The following NBPF9 variants were observed in gnomAD, a reference collection of about 807,000 sequenced individuals.
The protein encoded by NBPF9 is NBPF member 9, also known as NBPF family member NBPF9.
Under a neutral mutation model 97.8 loss-of-function variants are expected in NBPF9, and 91 were observed. The ratio of observed to expected loss-of-function variants is 0.93; its 90% CI spans 0.79 to 1.11. NBPF9 has a LOEUF of 1.11. Ranked by LOEUF, NBPF9 falls within the 50% of genes least tolerant of loss-of-function variation. The probability of loss-of-function intolerance (pLI) is 0.00; values close to 1 mark genes in which losing one functional copy is unlikely to be tolerated. For missense variants in NBPF9, 992 were observed against 939.5 expected (o/e 1.06, Z -0.73); for synonymous variants, 334 against 359.5 (o/e 0.93, Z 0.80).
chr1:149,067,245 C>A, intron 17 of NBPF9, among the ~76,000 whole-genome samples: 1 of 127,896 alleles, frequency 7.8e-6, no homozygotes. Flanking sequence ...GAGCAATATT[C>A]AACATTCTTT....
In NBPF9 at chr1:149,055,798, G is replaced by T. The variant is rs1553648682; in HGVS notation, c.3194C>A (p.Ser1065Ter). Residue 1065 changes from serine to a stop codon, truncating the protein, a stop_gained, in exon 30 of 30, where the codon TCA becomes TAA. Transcript: ENST00000584027. LOFTEE classifies it low-confidence loss of function (END_TRUNC). Reference sequence around the variant, plus strand: ...AAACACACTTCTGTAGTGCTGGAATGAGTCAGGTAGTTCAAAGTACATTGA... The same window carrying T: ...AAACACACTTCTGTAGTGCTGGAATTAGTCAGGTAGTTCAAAGTACATTGA... 3 of 1,611,078 alleles carry T rather than the reference G, an allele frequency of 1.9e-6. No homozygotes were observed. Among genetic ancestry groups the T allele is most frequent in the Middle Eastern group, 2.2e-4 (1 of 4,456 alleles).
chr1:149,064,781 T>A lies in NBPF9; in HGVS notation c.1802-299A>T, dbSNP rs1444629564. On this transcript the variant is annotated intron_variant, in intron 18 of 29. Transcript: ENST00000584027. ...CCCCAATAAATTGTAGGCAAATAGT[T>A]CTAACACCTCATAGGAGAGATACTT... The A allele has an allele frequency of 1.2e-3, 690 of 595,820 alleles. 1 individual carries two copies. The highest frequency in any genetic ancestry group is 1.9e-3 in the Non-Finnish European group (627 of 337,476). 36.9% of individuals were successfully genotyped at this position (595,820 alleles called of 1,614,324 possible). A position where few individuals can be genotyped will look rare whatever the true frequency, so the allele number is the denominator to read the frequency against.
chr1:149,076,836 A>C (rs1195893522), intron 11 of NBPF9, among the ~76,000 whole-genome samples: 6 of 151,610 alleles, frequency 4.0e-5, no homozygotes, highest in Non-Finnish European at 5.9e-5. Context: ...AGACAAGCCA[A>C]TGAAAAGGAG....
chr1:149,079,312 C>T lies in NBPF9; in HGVS notation c.279-91G>A, dbSNP rs1212352204. The T allele has an allele frequency of 4.5e-6, 6 of 1,319,754 alleles. No individual in the cohort carries two copies. The African/African-American group carries it at 6.0e-5, about 13-fold the overall frequency. 81.8% of individuals were successfully genotyped at this position (1,319,754 alleles called of 1,614,324 possible). On this transcript the variant is annotated intron_variant, in intron 8 of 29. Transcript: ENST00000584027. ...ACAGAGACTTCTGAGATAATGTCCT[C>T]AAGGAGACCTTGAAACAGAAGGTCA...
At position 149,077,801 on chromosome 1, in the gene NBPF9, C is replaced by T. The variant is rs1251363045; in HGVS notation, c.566+82G>A. ...CAAGGGGATGCGGGCTTTTGGCCCA[C>T]CATAGATGCCAGAGAGGGTGTGCCT... On this transcript the variant is annotated intron_variant, in intron 10 of 29. Transcript: ENST00000584027. 264 of 1,579,620 alleles carry T rather than the reference C, an allele frequency of 1.7e-4. 6 individuals carry two copies. The highest frequency in any genetic ancestry group is 2.0e-4 in the Non-Finnish European group (229 of 1,150,528).
intron 4 of NBPF9, among the ~76,000 whole-genome samples, chr1:149,097,330 G>C (rs1304820253): frequency 1.3e-5 from 2 of 152,162 alleles, no homozygotes; most frequent in Non-Finnish European, 2.9e-5. Context: ...ACTATATACT[G>C]TTTCCATGGG....
chr1:149,082,794 T>G (rs2080598884), intron 5 of NBPF9, among the ~76,000 whole-genome samples: 1 of 149,184 alleles, frequency 6.7e-6, no homozygotes. Flanking sequence ...TTTTTTTTTT[T>G]TTTGAGACAG....
intron 5 of NBPF9, among the ~76,000 whole-genome samples, chr1:149,088,974 TTAG>T (rs2081227554): frequency 2.0e-5 from 3 of 150,658 alleles, no homozygotes; most frequent in South Asian, 2.1e-4. Flanking sequence ...AGTTGACTTC[TTAG>T]TAGATTTCCC....
chr1:149,064,473 C>T lies in NBPF9; in HGVS notation c.1811G>A (p.Trp604Ter). ...TTGGTCCTCCTTTTTCACTTGATCC[C>T]ACCGATGTCCTGCAAATAAATTCAG... The change falls in exon 19 of 30, where the codon TGG (tryptophan) becomes TAG (stop). Residue 604 changes from tryptophan to a stop codon, truncating the protein, a stop_gained. Coordinates refer to ENST00000584027, the Ensembl canonical transcript of NBPF9. LOFTEE classifies it high-confidence loss of function. 3 of 1,474,150 alleles carry T rather than the reference C, an allele frequency of 2.0e-6. No homozygotes were observed. The highest frequency in any genetic ancestry group is 1.2e-5 in the South Asian group (1 of 86,506). 91.3% of individuals were successfully genotyped at this position (1,474,150 alleles called of 1,614,324 possible).
chr1:149,082,842 C>T (rs1292152783), intron 5 of NBPF9, among the ~76,000 whole-genome samples: 24 of 147,078 alleles, frequency 1.6e-4, no homozygotes, highest in African/African-American at 3.5e-4. Context: ...TGCAGTGACG[C>T]GATCTAGGCT....
chr1:149,083,326 TTA>T, intron 5 of NBPF9, among the ~76,000 whole-genome samples: 1 of 119,290 alleles, frequency 8.4e-6, no homozygotes, highest in African/African-American at 3.3e-5. Context: ...AGATACATAC[TTA>T]TTTTCCTGGG....
At chr1:149,088,520 G>A (rs1366540300) in intron 5 of NBPF9, among the ~76,000 whole-genome samples, 1 of 152,088 alleles carries the variant, frequency 6.6e-6, no homozygotes, top group Non-Finnish European at 1.5e-5. Context: ...TTAATATAAT[G>A]TTACCTGTGG....
intron 12 of NBPF9, 45 bp downstream of exon 12, chr1:149,075,610 G>A (rs2152900098): frequency 6.5e-7 from 1 of 1,533,766 alleles, no homozygotes; most frequent in Non-Finnish European, 9.0e-7. Context: ...AGAGAAGACA[G>A]GACGTCGTTC....
intron 18 of NBPF9, 70 bp from the exon 19 acceptor site, chr1:149,064,552 T>C: frequency 1.9e-6 from 2 of 1,070,704 alleles, no homozygotes; most frequent in South Asian, 2.5e-5. Flanking sequence ...CATTCCTCTG[T>C]CCAATCCTAA....
rs3979925 is a variant in NBPF9 at position 149,070,320 on chromosome 1, CAAAAAAAAAAA to C, written c.1585+603_1585+613del. Among the ~76,000 whole-genome samples the C allele has an allele frequency of 1.0e-4, 5 of 47,818 alleles. No homozygotes were observed. In the East Asian group the frequency reaches 5.0e-3, roughly 47 times the overall value. The allele number at this position is 47,818 out of a possible 152,430, so 31.4% of individuals were successfully genotyped here. A position where few individuals can be genotyped will look rare whatever the true frequency, so the allele number is the denominator to read the frequency against. On this transcript the variant is annotated intron_variant, in intron 16 of 29. Coordinates refer to ENST00000584027, the Ensembl canonical transcript of NBPF9. ...TGGGTGACAGAGCAAGACTCCATCG[CAAAAAAAAAAA>C]AAAAAAAAAAAAAATCCACGATGCT...
chr1:149,080,361 C>T (rs1250347264), intron 7 of NBPF9, among the ~76,000 whole-genome samples: 1 of 149,974 alleles, frequency 6.7e-6, no homozygotes, highest in Non-Finnish European at 1.5e-5. Flanking sequence ...GAAAGAGAAC[C>T]TCAAGGGCGC....
chr1:149,082,830 A>G (rs1213342871), intron 5 of NBPF9, among the ~76,000 whole-genome samples: 12 of 145,576 alleles, frequency 8.2e-5, no homozygotes, highest in Admixed American at 2.1e-4. Flanking sequence ...CCCAGGCTGG[A>G]GTGCAGTGAC....
rs2080499914 is a variant in NBPF9, at chr1:149,081,990, G to T, written c.150C>A (p.Phe50Leu). ...TGTATTTCTTCTGTCGGTTGGCCAG[G>T]AAGCCGGCCAGTTGAGTTAGAAAAC... The change falls in exon 7 of 30, where the codon TTC (phenylalanine) becomes TTA (leucine). Residue 50 changes from phenylalanine to leucine, a missense_variant. Coordinates refer to ENST00000584027, the Ensembl canonical transcript of NBPF9. The T allele has an allele frequency of 4.4e-6, 7 of 1,603,326 alleles. No homozygotes were observed. The East Asian group carries it at 1.6e-4, about 36-fold the overall frequency.
At chr1:149,099,689 A>T (rs1461884100) in intron 3 of NBPF9, among the ~76,000 whole-genome samples, 3 of 152,236 alleles carry the variant, frequency 2.0e-5, no homozygotes, top group African/African-American at 7.2e-5. Context: ...CATAAAAATC[A>T]TTAAAACTAA....
Sources: gnomAD v4.1 joint callset for allele counts (sites outside exome capture counted in the v4.1 genomes callset) on GRCh38, gnomAD v4.1.1 for gene constraint, MANE v1.5 for transcripts, NCBI Gene and HGNC (gene_info 2026-07-23, HGNC 2026-07-21) for gene names.